THADA: variants seen among roughly 807,000 people sequenced by gnomAD.
THADA encodes the protein THADA armadillo repeat containing.
Under a neutral mutation model 219.8 loss-of-function variants are expected in THADA, and 213 were observed. The ratio of observed to expected loss-of-function variants is 0.97; its 90% CI spans 0.87 to 1.09. THADA has a LOEUF of 1.09. Among genes scored for constraint, THADA ranks in the 50% least tolerant of loss-of-function variants. THADA has a pLI of 0.00. For synonymous variants in THADA, 1,018 were observed against 828.9 expected (o/e 1.23, Z -3.92); for missense variants, 2,956 against 2,311.3 (o/e 1.28, Z -5.72).
chr2:43,452,720 C>T (rs79730578), intron 26 of THADA, among the ~76,000 whole-genome samples: 12 of 152,306 alleles, frequency 7.9e-5, no homozygotes, highest in Non-Finnish European at 1.5e-4. Flanking sequence ...GGCCCACCCA[C>T]TGAATTTATG....
intron 29 of THADA, among the ~76,000 whole-genome samples, chr2:43,351,099 C>G (rs1042560883): frequency 6.6e-6 from 1 of 152,130 alleles, no homozygotes; most frequent in African/African-American, 2.4e-5. Context: ...AGACTTTGCA[C>G]CCAGATGCTA....
chr2:43,485,451 T>C, intron 25 of THADA, 126 bp from the exon 26 acceptor site: 1 of 666,628 alleles, frequency 1.5e-6, no homozygotes, highest in East Asian at 2.6e-5. Context: ...AAAAGACAGA[T>C]TTGTGTTCAT....
At chr2:43,431,699 C>G (rs1323833793) in intron 26 of THADA, among the ~76,000 whole-genome samples, 36 of 45,474 alleles carry the variant, frequency 7.9e-4, no homozygotes, top group African/African-American at 2.7e-3. Flanking sequence ...GAGTCTCGCT[C>G]TGTCGCCCAG....
chr2:43,540,613 T>G (rs1415404682), intron 21 of THADA, among the ~76,000 whole-genome samples: 1 of 152,124 alleles, frequency 6.6e-6, no homozygotes, highest in African/African-American at 2.4e-5. Flanking sequence ...TCTAAAATAT[T>G]TCCAAATGAA....
intron 5 of THADA, 28 bp downstream of exon 5, chr2:43,586,825 GA>G: frequency 6.2e-7 from 1 of 1,612,078 alleles, no homozygotes; most frequent in Non-Finnish European, 8.5e-7. Context: ...GGGTTAGCCA[GA>G]AAAAGGACTA....
At chr2:43,519,647 A>G (rs1692159962) in intron 22 of THADA, among the ~76,000 whole-genome samples, 1 of 152,154 alleles carries the variant, frequency 6.6e-6, no homozygotes, top group South Asian at 2.1e-4. Context: ...GTGGCCTACC[A>G]TATCATATTC....
chr2:43,515,333 A>AATATAATATATAATATTTTAT (rs1691544583), intron 22 of THADA, among the ~76,000 whole-genome samples: 1 of 13,436 alleles, frequency 7.4e-5, no homozygotes, highest in South Asian at 1.1e-3. Flanking sequence ...TATAATATAT[A>AATATAATATATAATATTTTAT]ATATAATATA....
At chr2:43,269,462 C>T (rs971301623) in intron 36 of THADA, among the ~76,000 whole-genome samples, 6 of 152,168 alleles carry the variant, frequency 3.9e-5, no homozygotes, top group South Asian at 4.1e-4. Context: ...AGATCGAAGA[C>T]GGGAGCATTA....
At chr2:43,516,473 G>A (rs1691739781) in intron 22 of THADA, among the ~76,000 whole-genome samples, 1 of 152,080 alleles carries the variant, frequency 6.6e-6, no homozygotes, top group African/African-American at 2.4e-5. Flanking sequence ...TTTTTCACCT[G>A]ACATTCTCTC....
chr2:43,548,595 G>A (rs895905406), intron 20 of THADA, among the ~76,000 whole-genome samples: 6 of 152,180 alleles, frequency 3.9e-5, no homozygotes, highest in South Asian at 2.1e-4. Flanking sequence ...CCCCAGCCTC[G>A]ATGCTGCCTT....
intron 28 of THADA, among the ~76,000 whole-genome samples, chr2:43,419,946 C>T (rs1229215752): frequency 6.6e-6 from 1 of 152,162 alleles, no homozygotes; most frequent in East Asian, 1.9e-4. Context: ...AAATAGCAAA[C>T]CATTTATTTT....
At chr2:43,592,149 T>C (rs779537049) in intron 2 of THADA, 103 bp from the exon 3 acceptor site, 10 of 1,018,758 alleles carry the variant, frequency 9.8e-6, no homozygotes, top group Non-Finnish European at 1.1e-5. Flanking sequence ...ACCATAGCAA[T>C]AGGTGGAACA....
chr2:43,569,435 G>T (rs1431893501), intron 14 of THADA, among the ~76,000 whole-genome samples: 1 of 152,172 alleles, frequency 6.6e-6, no homozygotes, highest in African/African-American at 2.4e-5. Context: ...TCTGCTTATA[G>T]TTGACGAGAC....
intron 22 of THADA, among the ~76,000 whole-genome samples, chr2:43,513,326 T>C (rs940815122): frequency 3.3e-5 from 5 of 152,144 alleles, no homozygotes; most frequent in African/African-American, 4.8e-5. Context: ...AATATACAAA[T>C]AGAAACCCCA....
At chr2:43,416,327 T>C (rs1335160001) in intron 28 of THADA, among the ~76,000 whole-genome samples, 2 of 152,222 alleles carry the variant, frequency 1.3e-5, no homozygotes, top group Non-Finnish European at 2.9e-5. Flanking sequence ...TACCTGGATA[T>C]ATTTTTCCAC....
At chr2:43,287,340 G>A (rs1463569410) in intron 34 of THADA, among the ~76,000 whole-genome samples, 2 of 152,070 alleles carry the variant, frequency 1.3e-5, no homozygotes, top group African/African-American at 4.8e-5. Context: ...TGTTGCCCAG[G>A]CTGGAGTGCA....
chr2:43,310,236 C>CA (rs1553382790), intron 31 of THADA, among the ~76,000 whole-genome samples: 9 of 121,122 alleles, frequency 7.4e-5, no homozygotes, highest in South Asian at 6.9e-4. Context: ...GCCCCCCCCC[C>CA]AAACAAGCTG....
intron 36 of THADA, among the ~76,000 whole-genome samples, chr2:43,275,816 C>T (rs1319297081): frequency 6.6e-6 from 1 of 152,254 alleles, no homozygotes; most frequent in African/African-American, 2.4e-5. Context: ...TCTCCTGCTG[C>T]TCTCATCCAG....
chr2:43,360,967 A>C (rs985128699), intron 29 of THADA, among the ~76,000 whole-genome samples: 9 of 152,140 alleles, frequency 5.9e-5, no homozygotes, highest in African/African-American at 2.2e-4. Context: ...ACATCTGACA[A>C]TATCTACAAC....
Sources: gnomAD v4.1 joint callset for allele counts (sites outside exome capture counted in the v4.1 genomes callset) on GRCh38, gnomAD v4.1.1 for gene constraint, MANE v1.5 for transcripts, NCBI Gene and HGNC (gene_info 2026-07-23, HGNC 2026-07-21) for gene names.